Variants in C2CD3 observed in about 807,000 individuals in gnomAD.
C2CD3 encodes C2 domain-containing protein 3.
Under a neutral mutation model 234.0 loss-of-function variants are expected in C2CD3, and 148 were observed. The observed-to-expected ratio is 0.63, with a 90% CI of 0.55 to 0.72. The LOEUF is 0.72. C2CD3 is among the 30% of genes least tolerant of loss of function. C2CD3 has a pLI of 0.00. For missense variants in C2CD3, 2,577 were observed against 2,811.5 expected (o/e 0.92, Z 1.89); for synonymous variants, 1,000 against 1,035.4 (o/e 0.97, Z 0.66).
At chr11:74,106,026 C>T (rs1345540361) in intron 13 of C2CD3, among the ~76,000 whole-genome samples, 1 of 152,180 alleles carries the variant, frequency 6.6e-6, no homozygotes. Context: ...AACTTTCTAT[C>T]CCTTGATGAC....
rs907809540 is a variant in C2CD3 at position 74,120,127 on chromosome 11, CT to C, written c.1366-1746del. Among the ~76,000 whole-genome samples, 574 of 143,374 alleles carry C rather than the reference CT, an allele frequency of 4.0e-3. 2 individuals carry two copies. The highest frequency in any genetic ancestry group is 0.01 in the African/African-American group (396 of 39,296). The allele number at this position is 143,374 out of a possible 152,430, so 94.1% of individuals were successfully genotyped here. ...AACAGCATGATTGTAAGATTACTTC[CT>C]TTTTTTTTTTTAATTATACTTTAAG... On this transcript the variant is annotated intron_variant, in intron 8 of 32. Coordinates refer to ENST00000334126, the MANE Select transcript of C2CD3 (RefSeq NM_001286577.2).
chr11:74,078,621 G>A lies in C2CD3; in HGVS notation c.4097C>T (p.Ser1366Leu), dbSNP rs144630140. The change falls in exon 23 of 33, where the codon TCG becomes TTG. Residue 1366 changes from serine (S) to leucine (L), a missense_variant. Ser to Leu is a moderately radical substitution (Grantham distance 145). Transcript: ENST00000334126. ...MQKIVGGLELSISFTHRGDRE... is the reference protein window; with the variant it reads ...MQKIVGGLELLISFTHRGDRE... Reference sequence around the variant, plus strand: ...ATCTCCACGATGCGTGAAGGAAATCGAAAGCTCCAGACCACCCACGATCTT... The same window carrying A: ...ATCTCCACGATGCGTGAAGGAAATCAAAAGCTCCAGACCACCCACGATCTT... 2.1e-4 allele frequency: 347 copies of A among 1,614,044 alleles called. No individual in the cohort carries two copies. The highest frequency in any genetic ancestry group is 2.6e-4 in the Non-Finnish European group (310 of 1,180,030).
At position 74,033,997 on chromosome 11, in the gene C2CD3, C is replaced by T. The variant is rs1203069602; in HGVS notation, c.6163G>A (p.Ala2055Thr). Residue 2055 changes from alanine (A) to threonine (T), a missense_variant, in exon 31 of 33, where the codon GCA becomes ACA. Physicochemically the swap from Ala to Thr is moderately conservative, Grantham distance 58. Coordinates refer to ENST00000334126, the MANE Select transcript of C2CD3 (RefSeq NM_001286577.2). ...TCCTCATCACTGTAGGCTGGGCCTG[C>T]CTCAGTGTCTTCACTGCTCTGCATC... ...TRMQSSEDTE[A>T]GPAYSDEDYE... 6 of 1,536,396 alleles carry T rather than the reference C, an allele frequency of 3.9e-6. No individual in the cohort carries two copies. The East Asian group carries it at 9.8e-5, about 25-fold the overall frequency.
chr11:74,134,866 A>C (rs1957806798), intron 5 of C2CD3, among the ~76,000 whole-genome samples: 1 of 152,136 alleles, frequency 6.6e-6, no homozygotes, highest in South Asian at 2.1e-4. Context: ...GCTAGACTAT[A>C]GGTGCATACC....
chr11:74,111,532 T>C (rs1184700100), intron 11 of C2CD3, among the ~76,000 whole-genome samples: 1 of 152,230 alleles, frequency 6.6e-6, no homozygotes, highest in Admixed American at 6.5e-5. Context: ...ATCCCCAAGA[T>C]ATCTTATTAA....
chr11:74,170,567 T>C (rs995737057), intron 1 of C2CD3, among the ~76,000 whole-genome samples, 171 bp downstream of exon 1: 1 of 152,076 alleles, frequency 6.6e-6, no homozygotes, highest in African/African-American at 2.4e-5. Flanking sequence ...CCCTAATTCC[T>C]TTCTATTCTC....
chr11:74,055,233 T>C lies in C2CD3; in HGVS notation c.5091-562A>G, dbSNP rs967243076. 3.9e-5 allele frequency among the ~76,000 whole-genome samples: 6 copies of C among 152,184 alleles called. 1 individual carries two copies. The highest frequency in any genetic ancestry group is 2.9e-5 in the Non-Finnish European group (2 of 68,034). On this transcript the variant is annotated intron_variant, in intron 25 of 32. Transcript: ENST00000334126. Reference sequence around the variant, plus strand: ...AGGTCACTTAAGAGTCAGTAAGTAGTAGGGCTAGGATTTAAACCCTGGCTT... The same window carrying C: ...AGGTCACTTAAGAGTCAGTAAGTAGCAGGGCTAGGATTTAAACCCTGGCTT...
chr11:74,018,621 C>CG (rs1951964148), intron 32 of C2CD3, among the ~76,000 whole-genome samples: 1 of 152,230 alleles, frequency 6.6e-6, no homozygotes, highest in African/African-American at 2.4e-5. Flanking sequence ...GCTCAACTTT[C>CG]ACCCCTTTGG....
intron 3 of C2CD3, among the ~76,000 whole-genome samples, chr11:74,142,510 A>T (rs1197386002): frequency 6.6e-6 from 1 of 152,202 alleles, no homozygotes; most frequent in African/African-American, 2.4e-5. Context: ...ATTTTAATAT[A>T]AAATAGTAAG....
Position 74,138,844 on chromosome 11 carries a change from T to A in C2CD3, c.831A>T (p.Pro277=). The A allele has an allele frequency of 6.2e-7, 1 of 1,614,002 alleles. No homozygotes were observed. The highest frequency in any genetic ancestry group is 8.5e-7 in the Non-Finnish European group (1 of 1,179,842). Residue 277 remains proline (P), a synonymous_variant, in exon 5 of 33, where the codon CCA becomes CCT. Coordinates refer to ENST00000334126, the MANE Select transcript of C2CD3 (RefSeq NM_001286577.2). ...LESVTLKGRA[P]RKQMSLLNSS... ...TGTTCAGAAGGGACATCTGCTTCCG[T>A]GGAGCTCTGCCTTTCAGAGTTACAG...
intron 7 of C2CD3, among the ~76,000 whole-genome samples, chr11:74,130,626 C>G (rs1957636800): frequency 1.3e-5 from 2 of 152,168 alleles, no homozygotes; most frequent in Admixed American, 1.3e-4. Context: ...TCTTCACAGC[C>G]TTGTCTAACT....
At chr11:74,136,331 G>A (rs1005170753) in intron 5 of C2CD3, among the ~76,000 whole-genome samples, 3 of 152,130 alleles carry the variant, frequency 2.0e-5, no homozygotes, top group African/African-American at 7.2e-5. Context: ...AACTCTTATT[G>A]AAGAGGTTGC....
At chr11:74,034,576 C>T (rs772634996) in intron 30 of C2CD3, 8 of 1,613,806 alleles carry the variant, frequency 5.0e-6, no homozygotes, top group Non-Finnish European at 6.8e-6. Context: ...TCCTGGTGGG[C>T]ATGTTCATGC....
intron 32 of C2CD3, among the ~76,000 whole-genome samples, chr11:74,015,386 G>C (rs1284108599): frequency 1.3e-5 from 2 of 152,190 alleles, no homozygotes; most frequent in Non-Finnish European, 2.9e-5. Flanking sequence ...AACTCTCTCA[G>C]GCTCTATGTA....
At position 74,161,446 on chromosome 11, in the gene C2CD3, A is replaced by T; in HGVS notation, c.436T>A (p.Phe146Ile). The change falls in exon 3 of 33, where the codon TTT (phenylalanine) becomes ATT (isoleucine). Residue 146 changes from phenylalanine to isoleucine, a missense_variant. Transcript: ENST00000334126. ...GACGTTGATGAAACAATGGTAAAAA[A>T]TCCATTGATTTGATGGGTTGGAGAA... is the stretch of plus-strand genomic sequence containing the variant. ...QLSPTHQING[F>I]FTIVSSTSKK... 6.2e-7 allele frequency: 1 copy of T among 1,601,174 alleles called. No homozygotes were observed. Among genetic ancestry groups the T allele is most frequent in the Non-Finnish European group, 8.5e-7 (1 of 1,172,800 alleles).
intron 30 of C2CD3, 86 bp downstream of exon 30, chr11:74,037,392 G>A: frequency 9.5e-7 from 1 of 1,050,718 alleles, no homozygotes; most frequent in African/African-American, 1.6e-5. Context: ...TGTCATAGGG[G>A]CTTGTCCGAA....
At position 74,168,622 on chromosome 11, in the gene C2CD3, G is replaced by T; in HGVS notation, c.56-9C>A. 6.2e-7 allele frequency: 1 copy of T among 1,604,396 alleles called. No homozygotes were observed. The highest frequency in any genetic ancestry group is 1.1e-5 in the South Asian group (1 of 89,540). On this transcript the variant is annotated splice_polypyrimidine_tract_variant and intron_variant, in intron 1 of 32. Transcript: ENST00000334126. The stretch of plus-strand genomic sequence containing the variant: ...AGAAATGTCACTTAAACCTGTAGAG[G>T]AATCCAAGAAAACTGAGTCAAAATT...
intron 3 of C2CD3, among the ~76,000 whole-genome samples, chr11:74,146,710 CCA>C (rs141560536): frequency 0.39 from 33,016 of 84,766 alleles, 4,705 homozygotes; most frequent in Middle Eastern, 0.5. Flanking sequence ...AAAAGTCAAA[CCA>C]CACACACACA....
chr11:74,041,817 G>A (rs914020113), intron 29 of C2CD3, among the ~76,000 whole-genome samples: 2 of 152,174 alleles, frequency 1.3e-5, no homozygotes, highest in African/African-American at 4.8e-5. Flanking sequence ...TACATTTACA[G>A]GTGCATCAGT....
Sources: gnomAD v4.1 joint callset for allele counts (sites outside exome capture counted in the v4.1 genomes callset) on GRCh38, gnomAD v4.1.1 for gene constraint, MANE v1.5 for transcripts, NCBI Gene and HGNC (gene_info 2026-07-23, HGNC 2026-07-21) for gene names.